Variants in CFAP65 observed in about 807,000 individuals in gnomAD.
The protein encoded by CFAP65 is cilia and flagella associated protein 65.
In CFAP65, 155 loss-of-function variants were observed where a neutral mutation model predicts 208.0. That is an observed-to-expected ratio of 0.75 (90% CI 0.65 to 0.85). The LOEUF (loss-of-function observed/expected upper bound fraction) is 0.85. Ranked by LOEUF, CFAP65 falls within the 40% of genes least tolerant of loss-of-function variation. CFAP65 has a pLI of 0.00. For synonymous variants in CFAP65, 970 were observed against 986.3 expected (o/e 0.98, Z 0.31); for missense variants, 2,294 against 2,451.3 (o/e 0.94, Z 1.36).
chr2:219,025,139 T>G (rs1256709259), intron 14 of CFAP65, among the ~76,000 whole-genome samples: 1 of 152,024 alleles, frequency 6.6e-6, no homozygotes. Context: ...GGGGTGACAG[T>G]GCCTGTGTGT....
chr2:219,036,369 G>A (rs534139442), intron 4 of CFAP65, among the ~76,000 whole-genome samples: 11 of 152,120 alleles, frequency 7.2e-5, no homozygotes, highest in Non-Finnish European at 1.0e-4. Flanking sequence ...GGGCAGTAAG[G>A]TGGAGGGAGG....
intron 19 of CFAP65, among the ~76,000 whole-genome samples, chr2:219,020,852 G>A (rs751370288): frequency 3.9e-5 from 6 of 152,242 alleles, no homozygotes; most frequent in Non-Finnish European, 7.3e-5. Context: ...GGGCAGGCTA[G>A]TAAGTACTCC....
intron 29 of CFAP65, among the ~76,000 whole-genome samples, chr2:219,008,474 G>A (rs1946184443): frequency 6.6e-6 from 1 of 152,206 alleles, no homozygotes; most frequent in South Asian, 2.1e-4. Context: ...GCTGGACACA[G>A]TGGCTCACGC....
At position 219,006,022 on chromosome 2, in the gene CFAP65, G is replaced by C; in HGVS notation, c.4921C>G (p.Arg1641Gly). Residue 1641 changes from arginine (R) to glycine (G), a missense_variant and splice_region_variant, in exon 31 of 35, where the codon CGG becomes GGG. By Grantham distance (125) the Arg-to-Gly change is moderately radical. Coordinates refer to ENST00000341552, the MANE Select transcript of CFAP65 (RefSeq NM_194302.4). The stretch of plus-strand genomic sequence containing the variant: ...ACCCCTGCCTTCCCAAGAGCTTACC[G>C]GTGCAAAAAGTGGCAGGGAAACTCT... ...FSEFPCHFLH[R>G]ELPKRKAPRE... 6.2e-7 allele frequency: 1 copy of C among 1,613,218 alleles called. No homozygotes were observed. Among genetic ancestry groups the C allele is most frequent in the Non-Finnish European group, 8.5e-7 (1 of 1,179,944 alleles).
Position 219,029,969 on chromosome 2 carries a change from C to G in CFAP65, c.1384+17G>C, listed in dbSNP as rs534878852. The G allele has an allele frequency of 6.2e-7, 1 of 1,611,904 alleles. No homozygotes were observed. The highest frequency in any genetic ancestry group is 1.7e-5 in the Admixed American group (1 of 59,950). ...GCTGCTCCTGTCCCCAGGGGAGGCC[C>G]CTGGGGTCACCGGTACCTCTACAGA... On this transcript the variant is annotated intron_variant, in intron 10 of 34. Coordinates refer to ENST00000341552, the MANE Select transcript of CFAP65 (RefSeq NM_194302.4).
intron 9 of CFAP65, 82 bp downstream of exon 9, chr2:219,030,607 G>A: frequency 1.3e-5 from 20 of 1,536,292 alleles, no homozygotes; most frequent in Non-Finnish European, 1.6e-5. Context: ...AGAGAAAGGG[G>A]GGGCATTCTG....
intron 29 of CFAP65, 45 bp from the exon 30 acceptor site, chr2:219,006,554 C>A: frequency 6.3e-7 from 1 of 1,599,092 alleles, no homozygotes; most frequent in South Asian, 1.1e-5. Flanking sequence ...AGAGGCCCGG[C>A]CGGGGGTGGT....
intron 3 of CFAP65, 53 bp from the exon 4 acceptor site, chr2:219,038,631 C>A: frequency 6.6e-7 from 1 of 1,517,006 alleles, no homozygotes; most frequent in Non-Finnish European, 9.1e-7. Context: ...GAAAGAGAGG[C>A]TGAGGGAGGA....
intron 5 of CFAP65, 109 bp downstream of exon 5, chr2:219,035,371 T>A: frequency 6.3e-7 from 1 of 1,597,186 alleles, no homozygotes; most frequent in Non-Finnish European, 8.5e-7. Flanking sequence ...CACTGGCTTT[T>A]ATATGGCATG....
At chr2:219,014,091 CAG>C (rs1491442241) in intron 21 of CFAP65, 47 bp from the exon 22 acceptor site, 1 of 1,523,608 alleles carries the variant, frequency 6.6e-7, no homozygotes, top group African/African-American at 1.4e-5. Context: ...TCAGGCAGAA[CAG>C]AGAGGCAGGG....
chr2:219,009,841 G>A (rs1357624645), intron 27 of CFAP65, 101 bp downstream of exon 27: 1 of 1,059,136 alleles, frequency 9.4e-7, no homozygotes, highest in Non-Finnish European at 1.3e-6. Flanking sequence ...TGGGGTTTGT[G>A]GGGTGGGATG....
intron 21 of CFAP65, among the ~76,000 whole-genome samples, chr2:219,017,211 G>A (rs973766318): frequency 6.6e-6 from 1 of 152,238 alleles, no homozygotes; most frequent in African/African-American, 2.4e-5. Context: ...AAGACTGGAT[G>A]AATGAACAAA....
intron 30 of CFAP65, 29 bp from the exon 31 acceptor site, chr2:219,006,252 AG>A: frequency 6.3e-7 from 1 of 1,591,746 alleles, no homozygotes. Flanking sequence ...ATGGATGACA[AG>A]GGTTTGGGCA....
At chr2:219,030,904 CGAA>C in intron 8 of CFAP65, 70 bp from the exon 9 acceptor site, 1 of 1,551,606 alleles carries the variant, frequency 6.4e-7, no homozygotes, top group Non-Finnish European at 8.7e-7. Flanking sequence ...AACAGCCCCT[CGAA>C]GAAGGCAGGT....
intron 4 of CFAP65, 124 bp from the exon 5 acceptor site, chr2:219,035,788 A>G: frequency 6.9e-7 from 1 of 1,455,464 alleles, no homozygotes; most frequent in East Asian, 2.4e-5. Flanking sequence ...ACAAGAAGAA[A>G]AACGATGATT....
At chr2:219,009,864 G>T in intron 27 of CFAP65, 78 bp downstream of exon 27, 2 of 1,344,748 alleles carry the variant, frequency 1.5e-6, no homozygotes, top group Non-Finnish European at 2.0e-6. Flanking sequence ...ATGGAGTGGG[G>T]TGGTATGGGA....
At chr2:219,016,094 G>C (rs1370175719) in intron 21 of CFAP65, among the ~76,000 whole-genome samples, 1 of 152,134 alleles carries the variant, frequency 6.6e-6, no homozygotes, top group Non-Finnish European at 1.5e-5. Context: ...ACTTGGAGAG[G>C]GGGCTGCGGA....
In CFAP65 at chr2:219,031,034, G is replaced by T; in HGVS notation, c.1015+72C>A. 2 of 1,495,896 alleles carry T rather than the reference G, an allele frequency of 1.3e-6. No individual in the cohort carries two copies. Among genetic ancestry groups the T allele is most frequent in the Non-Finnish European group, 1.8e-6 (2 of 1,106,540 alleles). The allele number at this position is 1,495,896 out of a possible 1,614,324, so 92.7% of individuals were successfully genotyped here. A position where few individuals can be genotyped will look rare whatever the true frequency, so the allele number is the denominator to read the frequency against. On this transcript the variant is annotated intron_variant, in intron 8 of 34. Coordinates refer to ENST00000341552, the MANE Select transcript of CFAP65 (RefSeq NM_194302.4). This position sits in a 1 kb window ranked among gnomAD's most constrained non-coding sequence, Gnocchi z 5.2. Reference sequence around the variant, plus strand: ...GGGCCAGGCCAGATGGGAGGTGGGGGACACTGAGGCCTGGAGGACCCAGAA... The same window carrying T: ...GGGCCAGGCCAGATGGGAGGTGGGGTACACTGAGGCCTGGAGGACCCAGAA...
At chr2:219,025,061 C>A (rs1947542553) in intron 14 of CFAP65, among the ~76,000 whole-genome samples, 1 of 152,204 alleles carries the variant, frequency 6.6e-6, no homozygotes, top group South Asian at 2.1e-4. Flanking sequence ...TGGCCAGCAC[C>A]AGCTGAGAGC....
Sources: allele counts gnomAD v4.1 joint callset (sites outside exome capture counted in the v4.1 genomes callset), GRCh38; gene constraint gnomAD v4.1.1; non-coding constraint Gnocchi (gnomAD v3.1); transcripts MANE v1.5; gene names NCBI Gene and HGNC (gene_info 2026-07-23, HGNC 2026-07-21).